Variants in PTPRD observed in about 807,000 individuals in gnomAD.
The protein encoded by PTPRD is receptor-type tyrosine-protein phosphatase delta.
In PTPRD, 34 loss-of-function variants were observed where a neutral mutation model predicts 214.5. That is an observed-to-expected ratio of 0.16 (90% CI 0.12 to 0.21). The LOEUF is 0.21. Among genes scored for constraint, PTPRD ranks in the 10% least tolerant of loss-of-function variants. The probability of loss-of-function intolerance (pLI) is 1.00; values close to 1 mark genes in which losing one functional copy is unlikely to be tolerated. For synonymous variants in PTPRD, 1,128 were observed against 845.7 expected, an observed-to-expected ratio of 1.33 and a Z score of -5.79; for missense variants, 2,545 against 2,398.7, an observed-to-expected ratio of 1.06 and a Z score of -1.27.
At chr9:10,057,377 C>G (rs1417074234) in intron 3 of PTPRD, among the ~76,000 whole-genome samples, 1 of 152,090 alleles carries the variant, frequency 6.6e-6, no homozygotes, top group Non-Finnish European at 1.5e-5. Context: ...TGAAAAGCCA[C>G]CAGGGTATGG....
chr9:9,776,931 T>C (rs1053346152), intron 5 of PTPRD, among the ~76,000 whole-genome samples: 1 of 152,204 alleles, frequency 6.6e-6, no homozygotes, highest in African/African-American at 2.4e-5. Context: ...TCCTGTCCTC[T>C]GGGTTGAAAG....
At chr9:10,035,863 C>G (rs2097171068) in intron 3 of PTPRD, among the ~76,000 whole-genome samples, 1 of 151,792 alleles carries the variant, frequency 6.6e-6, no homozygotes, top group Non-Finnish European at 1.5e-5. Context: ...TGAGTAAATA[C>G]CAGCAAGACA....
At chr9:9,500,130 G>C (rs1209438418) in intron 8 of PTPRD, among the ~76,000 whole-genome samples, 2 of 151,978 alleles carry the variant, frequency 1.3e-5, no homozygotes, top group Non-Finnish European at 2.9e-5. Context: ...TCCATTCCTA[G>C]TACTTTTTGA....
intron 10 of PTPRD, among the ~76,000 whole-genome samples, chr9:9,165,625 C>T (rs2099901667): frequency 6.6e-6 from 1 of 151,954 alleles, no homozygotes; most frequent in African/African-American, 2.4e-5. Flanking sequence ...TAATGTGAGA[C>T]CACTAATAAT....
chr9:9,208,020 C>CTGTTTTTTTTTTTTTTTTTTTTTT (rs2099945993), intron 9 of PTPRD, among the ~76,000 whole-genome samples: 1 of 53,260 alleles, frequency 1.9e-5, no homozygotes, highest in Non-Finnish European at 3.8e-5. Context: ...TATATATCTG[C>CTGTTTTTTTTTTTTTTTTTTTTTT]TTTTTTTTTT....
intron 14 of PTPRD, among the ~76,000 whole-genome samples, chr9:8,601,944 G>A (rs1317875071): frequency 6.6e-6 from 1 of 152,178 alleles, no homozygotes; most frequent in Non-Finnish European, 1.5e-5. Flanking sequence ...CCAGTATGGA[G>A]ATGAAAATAA....
chr9:9,387,781 G>T (rs886181550), intron 9 of PTPRD, among the ~76,000 whole-genome samples: 1 of 152,108 alleles, frequency 6.6e-6, no homozygotes. Flanking sequence ...TCCTCTAGGG[G>T]AGCATACAGA....
chr9:10,246,916 T>A, intron 3 of PTPRD, among the ~76,000 whole-genome samples: 1 of 150,998 alleles, frequency 6.6e-6, no homozygotes, highest in East Asian at 1.9e-4. Flanking sequence ...AAATAAACAA[T>A]AAATATAAAA....
At position 8,720,838 on chromosome 9, in the gene PTPRD, T is replaced by C. The variant is rs78856334; in HGVS notation, c.64+12942A>G. On this transcript the variant is annotated intron_variant, in intron 12 of 45. Coordinates refer to ENST00000381196, the MANE Select transcript of PTPRD (RefSeq NM_002839.4). ...TCAATGAGGGGCATAGTAACTACAA[T>C]GAACCTGGATAACTCTGGACCTGAT... Among the ~76,000 whole-genome samples, 778 of 152,176 alleles carry C rather than the reference T, an allele frequency of 5.1e-3. 18 individuals are homozygous for C. The East Asian group carries it at 0.059, about 11-fold the overall frequency.
intron 5 of PTPRD, among the ~76,000 whole-genome samples, chr9:9,775,127 T>G (rs2098786807): frequency 6.6e-6 from 1 of 152,204 alleles, no homozygotes; most frequent in African/African-American, 2.4e-5. Context: ...TAACAGGCAT[T>G]TACGTATCTG....
intron 12 of PTPRD, among the ~76,000 whole-genome samples, chr9:8,716,343 C>G (rs530961365): frequency 6.6e-6 from 1 of 152,198 alleles, no homozygotes; most frequent in Admixed American, 6.5e-5. Flanking sequence ...GGTTAAAGTA[C>G]TTCAAATGTG....
intron 2 of PTPRD, among the ~76,000 whole-genome samples, chr9:10,343,758 T>A (rs1208352069): frequency 1.3e-5 from 2 of 152,124 alleles, no homozygotes; most frequent in Non-Finnish European, 2.9e-5. Flanking sequence ...ATGTGTCTGT[T>A]GGCTGCATAA....
At chr9:9,576,916 C>T (rs1454005143) in intron 7 of PTPRD, among the ~76,000 whole-genome samples, 1 of 152,022 alleles carries the variant, frequency 6.6e-6, no homozygotes, top group African/African-American at 2.4e-5. Context: ...ATAAAAATCA[C>T]ATAAAGAGAT....
chr9:9,242,241 T>C (rs936467478), intron 9 of PTPRD, among the ~76,000 whole-genome samples: 1 of 152,198 alleles, frequency 6.6e-6, no homozygotes, highest in Admixed American at 6.5e-5. Flanking sequence ...CTTCCCTTTG[T>C]GAGTAACCCG....
intron 2 of PTPRD, among the ~76,000 whole-genome samples, chr9:10,481,513 T>C (rs989798454): frequency 2.6e-5 from 4 of 152,112 alleles, no homozygotes; most frequent in African/African-American, 7.2e-5. Context: ...GACTCACAGA[T>C]GTATTTAAGA....
chr9:9,889,537 G>C (rs113143393), intron 5 of PTPRD, among the ~76,000 whole-genome samples: 1 of 152,090 alleles, frequency 6.6e-6, no homozygotes, highest in South Asian at 2.1e-4. Context: ...AGAACACCAA[G>C]CCTCTAAGTT....
Position 10,020,080 on chromosome 9 carries a change from T to C in PTPRD, c.-472+13638A>G, listed in dbSNP as rs116620208. Among the ~76,000 whole-genome samples, 925 of 152,300 alleles carry C rather than the reference T, an allele frequency of 6.1e-3. 7 individuals carry two copies. The highest frequency in any genetic ancestry group is 0.021 in the African/African-American group (861 of 41,570). On this transcript the variant is annotated intron_variant, in intron 4 of 45. Transcript: ENST00000381196. ...GATGTTGAAGAAAGACGGAAGTTAT[T>C]AATAACCTTACTTTTGTGATTTGAA... is the stretch of plus-strand genomic sequence containing the variant.
chr9:8,943,523 GA>G (rs2099045960), intron 11 of PTPRD, among the ~76,000 whole-genome samples: 1 of 151,504 alleles, frequency 6.6e-6, no homozygotes, highest in African/African-American at 2.4e-5. Context: ...ATACACTGTG[GA>G]AAGGACAGTT....
intron 10 of PTPRD, among the ~76,000 whole-genome samples, chr9:9,020,487 G>A (rs564338437): frequency 4.5e-4 from 68 of 152,230 alleles, no homozygotes; most frequent in African/African-American, 1.6e-3. Flanking sequence ...ACAAAGAAAA[G>A]GCTGGTTGAG....
Sources: gnomAD v4.1 joint callset for allele counts (sites outside exome capture counted in the v4.1 genomes callset) on GRCh38, gnomAD v4.1.1 for gene constraint, MANE v1.5 for transcripts, NCBI Gene and HGNC (gene_info 2026-07-23, HGNC 2026-07-21) for gene names.